Variants in KIF21A observed in about 807,000 individuals in gnomAD.
KIF21A encodes kinesin family member 21A.
In KIF21A, 114 loss-of-function variants were observed where a neutral mutation model predicts 202.9. The observed-to-expected ratio is 0.56, with a 90% CI of 0.48 to 0.66. KIF21A has a LOEUF of 0.66. Ranked by LOEUF, KIF21A falls within the 30% of genes least tolerant of loss-of-function variation. The pLI, the probability that KIF21A is intolerant of heterozygous loss-of-function variation, is 0.00. For missense variants in KIF21A, 1,677 were observed against 1,994.9 expected (o/e 0.84, Z 3.04); for synonymous variants, 667 against 670.8 (o/e 0.99, Z 0.09).
At chr12:39,381,794 G>A (rs1950633200) in intron 1 of KIF21A, among the ~76,000 whole-genome samples, 1 of 152,180 alleles carries the variant, frequency 6.6e-6, no homozygotes, top group Non-Finnish European at 1.5e-5. Flanking sequence ...TTCCAATTTA[G>A]TTACTAACCG....
chr12:39,423,916 G>A (rs1313624164), intron 1 of KIF21A, among the ~76,000 whole-genome samples: 4 of 149,244 alleles, frequency 2.7e-5, no homozygotes, highest in Non-Finnish European at 4.4e-5. Flanking sequence ...CCTGGGAGGC[G>A]GAGGTTGCAG....
At chr12:39,355,653 G>GA (rs1371750718) in intron 10 of KIF21A, among the ~76,000 whole-genome samples, 1 of 144,220 alleles carries the variant, frequency 6.9e-6, no homozygotes, top group Non-Finnish European at 1.5e-5. Context: ...TTGCTGAGCA[G>GA]AACCAGGATG....
intron 27 of KIF21A, among the ~76,000 whole-genome samples, chr12:39,320,794 G>A (rs1242675118): frequency 6.6e-6 from 1 of 151,756 alleles, no homozygotes; most frequent in Non-Finnish European, 1.5e-5. Flanking sequence ...AATTAGCTGA[G>A]TGTGGTGGCG....
At chr12:39,315,372 T>A in intron 30 of KIF21A, 132 bp from the exon 31 acceptor site, 1 of 753,308 alleles carries the variant, frequency 1.3e-6, no homozygotes, top group South Asian at 1.7e-5. Context: ...CCCAGAAAAA[T>A]CCATAAAATG....
At chr12:39,432,884 T>C (rs1566373023) in intron 1 of KIF21A, among the ~76,000 whole-genome samples, 1 of 152,196 alleles carries the variant, frequency 6.6e-6, no homozygotes, top group African/African-American at 2.4e-5. Flanking sequence ...GTGCTGGGAT[T>C]ACAGGCGTGA....
intron 5 of KIF21A, among the ~76,000 whole-genome samples, 197 bp downstream of exon 5, chr12:39,366,833 T>C (rs1326594018): frequency 1.3e-5 from 2 of 152,218 alleles, no homozygotes; most frequent in Non-Finnish European, 2.9e-5. Flanking sequence ...CTTTTTGGTT[T>C]TTCAGACATT....
chr12:39,366,550 A>G, intron 5 of KIF21A, 33 bp from the exon 6 acceptor site: 2 of 1,461,146 alleles, frequency 1.4e-6, no homozygotes, highest in Non-Finnish European at 1.9e-6. Flanking sequence ...AAAATACTTT[A>G]TTAATGTAAC....
chr12:39,311,026 A>G (rs1431356872), intron 32 of KIF21A, among the ~76,000 whole-genome samples: 1 of 152,092 alleles, frequency 6.6e-6, no homozygotes, highest in African/African-American at 2.4e-5. Context: ...ATATTAGTAT[A>G]CTGCCTAGCA....
chr12:39,359,124 T>C (rs1453957052), intron 7 of KIF21A, among the ~76,000 whole-genome samples: 1 of 152,180 alleles, frequency 6.6e-6, no homozygotes. Flanking sequence ...GAAAAATCAA[T>C]GCCTATCAAT....
chr12:39,372,102 T>G (rs1406566793), intron 1 of KIF21A, among the ~76,000 whole-genome samples: 1 of 150,352 alleles, frequency 6.7e-6, no homozygotes, highest in Non-Finnish European at 1.5e-5. Flanking sequence ...TTATTAGAGA[T>G]AAAGCCAAGC....
At chr12:39,393,091 T>C (rs1177190694) in intron 1 of KIF21A, among the ~76,000 whole-genome samples, 1 of 149,102 alleles carries the variant, frequency 6.7e-6, no homozygotes, top group Non-Finnish European at 1.5e-5. Context: ...GGGAACCCAG[T>C]TTTTGGTCTT....
chr12:39,364,281 T>A (rs1045272393), intron 6 of KIF21A, among the ~76,000 whole-genome samples: 2 of 152,084 alleles, frequency 1.3e-5, no homozygotes, highest in African/African-American at 4.8e-5. Context: ...ATTCCCCCTT[T>A]CCAGAGCAGC....
chr12:39,295,165 A>C (rs187657274), intron 37 of KIF21A, among the ~76,000 whole-genome samples: 1 of 152,358 alleles, frequency 6.6e-6, no homozygotes, highest in African/African-American at 2.4e-5. Context: ...GAAGATTAAA[A>C]GCGATTCTGA....
At chr12:39,295,104 A>C (rs1942168092) in intron 37 of KIF21A, among the ~76,000 whole-genome samples, 1 of 152,230 alleles carries the variant, frequency 6.6e-6, no homozygotes, top group Non-Finnish European at 1.5e-5. Flanking sequence ...CCACAGAAAA[A>C]TAAAGAGGCT....
intron 7 of KIF21A, among the ~76,000 whole-genome samples, chr12:39,360,856 CA>C (rs1949154361): frequency 6.6e-6 from 1 of 152,122 alleles, no homozygotes; most frequent in African/African-American, 2.4e-5. Flanking sequence ...AGCTTATTTT[CA>C]AAAATATCCT....
In KIF21A at chr12:39,367,060, A is replaced by G; in HGVS notation, c.705T>C (p.Cys235=). ...RSHAIFTIHV[C]QTRVCPQIDA... is the part of the protein sequence containing the mutation. ...CTATTTGGGGACACACTCTGGTTTG[A>G]CACACATGAATGGTAAAAATGGCAT... is the stretch of plus-strand genomic sequence containing the variant. The change falls in exon 5 of 38, where the codon TGT becomes TGC. Residue 235 remains cysteine, a synonymous_variant. Transcript: ENST00000361418. The G allele has an allele frequency of 6.2e-7, 1 of 1,613,822 alleles. No individual in the cohort carries two copies. The highest frequency in any genetic ancestry group is 8.5e-7 in the Non-Finnish European group (1 of 1,179,714).
chr12:39,371,838 A>G (rs1375144600), intron 1 of KIF21A, among the ~76,000 whole-genome samples: 1 of 151,972 alleles, frequency 6.6e-6, no homozygotes, highest in Non-Finnish European at 1.5e-5. Context: ...CAGAGGCAGG[A>G]GAACTGCTTG....
chr12:39,312,436 T>C (rs1373358650), intron 31 of KIF21A: 1 of 151,760 alleles, frequency 6.6e-6, no homozygotes, highest in East Asian at 1.9e-4. Flanking sequence ...ATAGAAAGAA[T>C]AAAGTAAGAC....
At chr12:39,423,210 C>T (rs929681502) in intron 1 of KIF21A, among the ~76,000 whole-genome samples, 4 of 152,162 alleles carry the variant, frequency 2.6e-5, no homozygotes, top group African/African-American at 9.7e-5. Flanking sequence ...CTGAAGGGCT[C>T]TCAAGTAAGG....
Sources: allele counts gnomAD v4.1 joint callset (sites outside exome capture counted in the v4.1 genomes callset), GRCh38; gene constraint gnomAD v4.1.1; transcripts MANE v1.5; gene names NCBI Gene and HGNC (gene_info 2026-07-23, HGNC 2026-07-21).